PIH1D2: variants seen among roughly 807,000 people sequenced by gnomAD.
PIH1D2 encodes the protein PIH1 domain-containing protein 2.
A neutral mutation model predicts 31.2 loss-of-function variants in PIH1D2; 25 were observed. The observed-to-expected ratio is 0.80, with a 90% confidence interval of 0.58 to 1.12. PIH1D2 has a LOEUF of 1.12. Ranked by LOEUF, PIH1D2 falls within the 50% of genes most tolerant of loss-of-function variation. The probability of loss-of-function intolerance (pLI) is 0.00; values close to 1 mark genes in which losing one functional copy is unlikely to be tolerated. For synonymous variants in PIH1D2, 116 were observed against 119.9 expected (o/e 0.97, Z 0.21); for missense variants, 310 against 356.6 (o/e 0.87, Z 1.05).
Position 112,071,143 on chromosome 11 carries a change from A to G in PIH1D2, c.442T>C (p.Tyr148His), listed in dbSNP as rs1555184554. The G allele has an allele frequency of 1.2e-6, 2 of 1,613,806 alleles. No individual in the cohort carries two copies. Among genetic ancestry groups the G allele is most frequent in the Non-Finnish European group, 1.7e-6 (2 of 1,179,912 alleles). Residue 148 changes from tyrosine (Y) to histidine (H), a missense_variant, in exon 4 of 6, where the codon TAC becomes CAC. Tyr to His is a moderately conservative substitution (Grantham distance 83). Transcript: ENST00000280350. The part of the protein sequence containing the change: ...EKFQFTLSHS[Y>H]HITKFRIKGS... Reference sequence around the variant, plus strand: ...TTTATTCTAAATTTGGTAATATGGTAAGAGTGTGAGAGGGTGAACTGGAAT... The same window carrying G: ...TTTATTCTAAATTTGGTAATATGGTGAGAGTGTGAGAGGGTGAACTGGAAT...
At chr11:112,053,661 G>C in the PIH1D2 span, among the ~76,000 whole-genome samples, 1 of 152,150 alleles carries the variant, frequency 6.6e-6, no homozygotes, top group Admixed American at 6.5e-5. Context: ...CACCATATTG[G>C]CCAGACTGGT....
downstream of PIH1D2, chr11:112,060,970 GA>G (rs1411876944): frequency 5.6e-6 from 8 of 1,429,808 alleles, no homozygotes; most frequent in Non-Finnish European, 7.6e-6. Flanking sequence ...TCTTTTCACA[GA>G]ACATTTGTCA....
At chr11:112,062,257 A>T (rs1221319045), downstream of PIH1D2, 1 of 818,374 alleles carries the variant, frequency 1.2e-6, no homozygotes, top group Non-Finnish European at 1.9e-6. Flanking sequence ...CAAGCTATAA[A>T]TTTGAGCTAA....
At chr11:112,054,919 G>A in the PIH1D2 span, among the ~76,000 whole-genome samples, 2 of 152,116 alleles carry the variant, frequency 1.3e-5, no homozygotes, top group Non-Finnish European at 2.9e-5. Flanking sequence ...CTTCTCCTCT[G>A]TGTCTGTATT....
chr11:112,062,037 G>C (rs1864664532), downstream of PIH1D2, among the ~76,000 whole-genome samples: 1 of 152,176 alleles, frequency 6.6e-6, no homozygotes, highest in Admixed American at 6.5e-5. Flanking sequence ...TTCTAGGTGA[G>C]GAGTCAGCAT....
chr11:112,057,426 A>ACTTT, the PIH1D2 span, among the ~76,000 whole-genome samples: 2 of 152,258 alleles, frequency 1.3e-5, no homozygotes, highest in Non-Finnish European at 2.9e-5. Context: ...TCTTGTGCCA[A>ACTTT]ACAGCCAACT....
intron 2 of PIH1D2, 99 bp downstream of exon 2, chr11:112,072,899 A>G: frequency 8.4e-7 from 1 of 1,196,012 alleles, no homozygotes; most frequent in Non-Finnish European, 1.1e-6. Flanking sequence ...CAAAAAAAAA[A>G]CAAAAAAAAT....
At chr11:112,070,291 C>T in intron 5 of PIH1D2, 145 bp downstream of exon 5, 1 of 926,754 alleles carries the variant, frequency 1.1e-6, no homozygotes, top group South Asian at 1.7e-5. Flanking sequence ...GTGAATGGCA[C>T]ATCTCAGAAG....
At chr11:112,060,942 C>T (rs919945707), downstream of PIH1D2, 2 of 1,120,508 alleles carry the variant, frequency 1.8e-6, no homozygotes, top group Admixed American at 2.1e-5. Flanking sequence ...TAAGACCTTG[C>T]ACCTTTTTAG....
Position 112,071,146 on chromosome 11 carries a change from A to T in PIH1D2, c.439T>A (p.Ser147Thr), listed in dbSNP as rs1197697075. 6.2e-7 allele frequency: 1 copy of T among 1,613,770 alleles called. No individual in the cohort carries two copies. Among genetic ancestry groups the T allele is most frequent in the East Asian group, 2.2e-5 (1 of 44,832 alleles). ...ATTCTAAATTTGGTAATATGGTAAG[A>T]GTGTGAGAGGGTGAACTGGAATTTC... ...EEKFQFTLSH[S>T]YHITKFRIKG... The change falls in exon 4 of 6, where the codon TCT (serine) becomes ACT (threonine). Residue 147 changes from serine (S) to threonine (T), a missense_variant. Physicochemically the swap from Ser to Thr is moderately conservative, Grantham distance 58. Transcript: ENST00000280350.
intron 5 of PIH1D2, among the ~76,000 whole-genome samples, chr11:112,068,887 T>C (rs1865016741): frequency 1.3e-5 from 2 of 151,930 alleles, no homozygotes; most frequent in South Asian, 4.1e-4. Flanking sequence ...AGGGATAAAA[T>C]TGAGAAATTA....
rs1467583492 is a variant in PIH1D2 at position 112,070,500 on chromosome 11, ATTTTCAGAGGT to A, written c.738_748del (p.Lys246AsnfsTer2). 6.8e-6 allele frequency: 11 copies of A among 1,613,944 alleles called. No homozygotes were observed. The highest frequency in any genetic ancestry group is 2.5e-6 in the Non-Finnish European group (3 of 1,179,994). ...ACCAGGTAATTCAACTTTCAACTCA[ATTTTCAGAGGT>A]TTCTCACTGTGATCATGCACAATTT... On this transcript the variant is annotated frameshift_variant, in exon 5 of 6. Coordinates refer to ENST00000280350, the MANE Select transcript of PIH1D2 (RefSeq NM_138789.4). LOFTEE classifies it high-confidence loss of function.
chr11:112,069,270 C>T (rs993020485), intron 5 of PIH1D2, among the ~76,000 whole-genome samples: 7 of 151,910 alleles, frequency 4.6e-5, no homozygotes, highest in Non-Finnish European at 8.8e-5. Context: ...TCCCAAAATC[C>T]TAGGATTACA....
the PIH1D2 span, among the ~76,000 whole-genome samples, chr11:112,054,571 T>C: frequency 6.6e-6 from 1 of 152,216 alleles, no homozygotes; most frequent in Non-Finnish European, 1.5e-5. Flanking sequence ...ATTAAACCAT[T>C]TCTCAATCTG....
chr11:112,064,398 G>T, downstream of PIH1D2: 1 of 557,766 alleles, frequency 1.8e-6, no homozygotes, highest in Non-Finnish European at 3.0e-6. Flanking sequence ...CAATATGTCT[G>T]GTTTAATTTT....
At chr11:112,057,911 A>G in the PIH1D2 span, among the ~76,000 whole-genome samples, 1 of 152,346 alleles carries the variant, frequency 6.6e-6, no homozygotes, top group South Asian at 2.1e-4. Context: ...TAAGGTGTAT[A>G]CATTGGTTTT....
At chr11:112,052,579 G>A in the PIH1D2 span, among the ~76,000 whole-genome samples, 1 of 152,260 alleles carries the variant, frequency 6.6e-6, no homozygotes, top group Admixed American at 6.5e-5. Flanking sequence ...TTGAGGTGGG[G>A]TGGTGCAGAG....
At position 112,071,023 on chromosome 11, in the gene PIH1D2, C is replaced by A; in HGVS notation, c.547+15G>T. On this transcript the variant is annotated intron_variant, in intron 4 of 5. Coordinates refer to ENST00000280350, the MANE Select transcript of PIH1D2 (RefSeq NM_138789.4). ...TTAAAGCAGTTTAATTTTCCATTTACAATCATCAACTTACCCCTTCTCATT... is the reference window on the plus strand; with the variant it reads ...TTAAAGCAGTTTAATTTTCCATTTAAAATCATCAACTTACCCCTTCTCATT... 6.2e-7 allele frequency: 1 copy of A among 1,604,568 alleles called. No homozygotes were observed. The highest frequency in any genetic ancestry group is 8.5e-7 in the Non-Finnish European group (1 of 1,176,628).
the PIH1D2 span, among the ~76,000 whole-genome samples, chr11:112,054,164 A>G: frequency 3.3e-5 from 5 of 151,890 alleles, no homozygotes; most frequent in Non-Finnish European, 7.4e-5. Flanking sequence ...CAAAAAAAAA[A>G]AAATAGCTAG....
Sources: allele counts gnomAD v4.1 joint callset (sites outside exome capture counted in the v4.1 genomes callset), GRCh38; gene constraint gnomAD v4.1.1; transcripts MANE v1.5; gene names NCBI Gene and HGNC (gene_info 2026-07-23, HGNC 2026-07-21).